TRAPPC9: variants seen among roughly 807,000 people sequenced by gnomAD.
TRAPPC9 encodes the protein trafficking protein particle complex subunit 9, also known as IKK2 binding protein.
A neutral mutation model predicts 124.0 loss-of-function variants in TRAPPC9; 83 were observed. The ratio of observed to expected loss-of-function variants is 0.67; its 90% CI spans 0.56 to 0.80. TRAPPC9 has a LOEUF of 0.80. Among genes scored for constraint, TRAPPC9 ranks in the 30% least tolerant of loss-of-function variants. The pLI is 0.00. For missense variants in TRAPPC9, 1,302 were observed against 1,508.3 expected (o/e 0.86, Z 2.27); for synonymous variants, 638 against 617.5 (o/e 1.03, Z -0.49).
chr8:140,285,150 C>T (rs780848353), intron 13 of TRAPPC9, among the ~76,000 whole-genome samples: 6 of 152,144 alleles, frequency 3.9e-5, no homozygotes, highest in African/African-American at 7.2e-5. Context: ...GTTCCCAAAG[C>T]GGGCTAAAAA....
intron 17 of TRAPPC9, chr8:140,095,178 G>A (rs930673880): frequency 6.6e-6 from 1 of 152,252 alleles, no homozygotes; most frequent in Non-Finnish European, 1.5e-5. Context: ...TGTCTGGCTG[G>A]AGGCTTCAGC....
At chr8:139,991,417 G>A (rs1447802154) in intron 18 of TRAPPC9, among the ~76,000 whole-genome samples, 2 of 152,106 alleles carry the variant, frequency 1.3e-5, no homozygotes, top group African/African-American at 2.4e-5. Context: ...TATTGGTGGA[G>A]CTTGGCTTCC....
At chr8:139,779,937 T>C (rs1007279463) in intron 21 of TRAPPC9, among the ~76,000 whole-genome samples, 11 of 152,098 alleles carry the variant, frequency 7.2e-5, no homozygotes, top group African/African-American at 2.7e-4. Flanking sequence ...CAAAATGAAA[T>C]ACTGTGCTAT....
chr8:140,172,919 T>C (rs55835021), intron 17 of TRAPPC9, among the ~76,000 whole-genome samples: 27,479 of 152,112 alleles, frequency 0.18, 2,904 homozygotes, highest in Admixed American at 0.26. Flanking sequence ...ACTACACTTG[T>C]TGGCTGTCCA....
At chr8:139,861,692 G>A (rs1472118066) in intron 21 of TRAPPC9, among the ~76,000 whole-genome samples, 1 of 152,170 alleles carries the variant, frequency 6.6e-6, no homozygotes, top group Non-Finnish European at 1.5e-5. Context: ...CCACTGGAGA[G>A]GGGATGTGCT....
intron 9 of TRAPPC9, among the ~76,000 whole-genome samples, chr8:140,333,765 T>C (rs1200668471): frequency 6.6e-6 from 1 of 152,244 alleles, no homozygotes; most frequent in Non-Finnish European, 1.5e-5. Flanking sequence ...GGTTTGTTTA[T>C]AAATGCCCCA....
chr8:140,013,907 C>T (rs114057065), intron 18 of TRAPPC9, among the ~76,000 whole-genome samples: 1,823 of 152,308 alleles, frequency 0.012, 35 homozygotes, highest in African/African-American at 0.039. Flanking sequence ...AAAACCACAG[C>T]GCCAATGAGC....
intron 15 of TRAPPC9, among the ~76,000 whole-genome samples, chr8:140,253,914 A>G (rs1195555697): frequency 6.6e-6 from 1 of 152,194 alleles, no homozygotes; most frequent in Non-Finnish European, 1.5e-5. Flanking sequence ...AATGGGGATA[A>G]CAATTACTGC....
In TRAPPC9 at chr8:140,299,780, C is replaced by T. The variant is rs140684398; in HGVS notation, c.1768+689G>A. ...ATGCTGAGCCCTGGTGCAGGAGGGA[C>T]GAGAGCTCAGACACAGGAAAGCTCA... On this transcript the variant is annotated intron_variant, in intron 11 of 22. Coordinates refer to ENST00000438773, the MANE Select transcript of TRAPPC9 (RefSeq NM_001160372.4). Among the ~76,000 whole-genome samples the T allele has an allele frequency of 8.7e-4, 133 of 152,328 alleles. 1 individual carries two copies. In the East Asian group the frequency reaches 0.021, roughly 24 times the overall value.
chr8:139,941,982 C>G (rs974260699), intron 19 of TRAPPC9, among the ~76,000 whole-genome samples: 1 of 152,186 alleles, frequency 6.6e-6, no homozygotes, highest in African/African-American at 2.4e-5. Context: ...ATGAAGAACA[C>G]AGGCTCCAGA....
intron 10 of TRAPPC9, among the ~76,000 whole-genome samples, chr8:140,305,862 G>A (rs1489689244): frequency 2.0e-5 from 3 of 152,196 alleles, no homozygotes; most frequent in African/African-American, 7.2e-5. Context: ...ATCAACCTCA[G>A]TTCAAGAAGA....
intron 17 of TRAPPC9, among the ~76,000 whole-genome samples, chr8:140,176,519 T>C (rs895396650): frequency 6.6e-6 from 1 of 152,220 alleles, no homozygotes; most frequent in African/African-American, 2.4e-5. Context: ...CACTGCCACG[T>C]GGTATTGCAC....
intron 20 of TRAPPC9, among the ~76,000 whole-genome samples, chr8:139,908,294 G>A (rs887337580): frequency 2.0e-5 from 3 of 152,154 alleles, no homozygotes; most frequent in Admixed American, 6.5e-5. Flanking sequence ...GCTGAGCTGG[G>A]GCTGCATCAG....
chr8:140,053,829 T>C (rs1389499611), intron 17 of TRAPPC9, among the ~76,000 whole-genome samples: 1 of 152,230 alleles, frequency 6.6e-6, no homozygotes, highest in Non-Finnish European at 1.5e-5. Context: ...TATGGCAGTG[T>C]TTGCCTTCAT....
At chr8:139,838,895 T>C (rs1192177311) in intron 21 of TRAPPC9, among the ~76,000 whole-genome samples, 2 of 152,176 alleles carry the variant, frequency 1.3e-5, no homozygotes, top group Non-Finnish European at 2.9e-5. Context: ...CTCACCTGGA[T>C]GTTACCAGGA....
chr8:139,804,358 C>T (rs1248027278), intron 21 of TRAPPC9, among the ~76,000 whole-genome samples: 2 of 141,040 alleles, frequency 1.4e-5, no homozygotes, highest in Non-Finnish European at 3.1e-5. Flanking sequence ...CACCAAGCAC[C>T]ACCACCACCA....
At chr8:140,026,328 T>G (rs921790871) in intron 17 of TRAPPC9, among the ~76,000 whole-genome samples, 8 of 152,194 alleles carry the variant, frequency 5.3e-5, no homozygotes, top group African/African-American at 1.9e-4. Flanking sequence ...GACCCTGCTT[T>G]CGGTTCTTTG....
In TRAPPC9 at chr8:140,397,672, C is replaced by T. The variant is rs557056849; in HGVS notation, c.1082G>A (p.Ser361Asn). The T allele has an allele frequency of 1.9e-6, 3 of 1,614,208 alleles. No homozygotes were observed. The highest frequency in any genetic ancestry group is 3.3e-5 in the Admixed American group (2 of 60,020). The change falls in exon 7 of 23, where the codon AGC becomes AAC. Residue 361 changes from serine to asparagine, a missense_variant. This residue lies in a region of TRAPPC9 where 657 missense variants were observed against 811.2 expected (regional missense o/e 0.81). Coordinates refer to ENST00000438773, the MANE Select transcript of TRAPPC9 (RefSeq NM_001160372.4). ...CTGAAGAAATTCTGATGCTTCCATG[C>T]TCCGTTTCTGAATTGCAAGGACACG... ...AVRVLAIQKR[S>N]MEASEFLQNA...
chr8:139,822,887 C>T (rs527827310), intron 21 of TRAPPC9, among the ~76,000 whole-genome samples: 1 of 152,324 alleles, frequency 6.6e-6, no homozygotes, highest in South Asian at 2.1e-4. Flanking sequence ...TCTCACAGTT[C>T]TGGAGGCTAC....
Sources: allele counts gnomAD v4.1 joint callset (sites outside exome capture counted in the v4.1 genomes callset), GRCh38; gene constraint gnomAD v4.1.1; regional missense constraint gnomAD v4.1.1; transcripts MANE v1.5; gene names NCBI Gene and HGNC (gene_info 2026-07-23, HGNC 2026-07-21).